The following IQGAP3 variants were observed in gnomAD, a reference collection of about 807,000 sequenced individuals.
IQGAP3 encodes ras GTPase-activating-like protein IQGAP3.
Under a neutral mutation model 208.2 loss-of-function variants are expected in IQGAP3, and 165 were observed. The ratio of observed to expected loss-of-function variants is 0.79; its 90% CI spans 0.70 to 0.90. The LOEUF is 0.90. Among genes scored for constraint, IQGAP3 ranks in the 40% least tolerant of loss-of-function variants. The probability of loss-of-function intolerance (pLI) is 0.00; values close to 1 mark genes in which losing one functional copy is unlikely to be tolerated. For synonymous variants in IQGAP3, 703 were observed against 803.6 expected, an observed-to-expected ratio of 0.87 and a Z score of 2.12; for missense variants, 1,811 against 2,043.1, an observed-to-expected ratio of 0.89 and a Z score of 2.19.
intron 13 of IQGAP3, among the ~76,000 whole-genome samples, chr1:156,553,580 C>CTTTTTTTTTTTT (rs11316423): frequency 2.3e-5 from 2 of 88,038 alleles, no homozygotes; most frequent in African/African-American, 7.3e-5. Context: ...TTCTTTCTTT[C>CTTTTTTTTTTTT]TTTTTTTTTT....
At chr1:156,565,130 A>G (rs534440926) in intron 4 of IQGAP3, among the ~76,000 whole-genome samples, 17 of 152,286 alleles carry the variant, frequency 1.1e-4, no homozygotes, top group South Asian at 8.3e-4. Context: ...GCAGGGCCCA[A>G]TGAAGCATAT....
intron 33 of IQGAP3, among the ~76,000 whole-genome samples, chr1:156,530,692 C>T (rs1260673670): frequency 2.0e-5 from 3 of 152,194 alleles, no homozygotes; most frequent in African/African-American, 7.2e-5. Flanking sequence ...ATTTACCTGT[C>T]TGTTCTGTTT....
Position 156,535,365 on chromosome 1 carries a change from A to G in IQGAP3, c.3423-118T>C. 4.3e-6 allele frequency: 3 copies of G among 699,268 alleles called. No homozygotes were observed. The East Asian group carries it at 7.8e-5, about 18-fold the overall frequency. The allele number at this position is 699,268 out of a possible 1,614,324, so 43.3% of individuals were successfully genotyped here. A position where few individuals can be genotyped will look rare whatever the true frequency, so the allele number is the denominator to read the frequency against. ...CCCAGGCTCAGCCACTCCAGAGTAGAGCTCAAGCACTGTCCCTCCACTAGC... is the reference window on the plus strand; with the variant it reads ...CCCAGGCTCAGCCACTCCAGAGTAGGGCTCAAGCACTGTCCCTCCACTAGC... On this transcript the variant is annotated intron_variant, in intron 27 of 37. Transcript: ENST00000361170.
chr1:156,535,136 AGGTGGG>A, intron 28 of IQGAP3, 21 bp downstream of exon 28: 1 of 1,259,316 alleles, frequency 7.9e-7, no homozygotes, highest in Non-Finnish European at 1.1e-6. Flanking sequence ...AGGGATTGGG[AGGTGGG>A]GGTGGGGAGA....
At chr1:156,541,001 A>T (rs1674952401) in intron 22 of IQGAP3, 85 bp from the exon 23 acceptor site, 7 of 1,112,626 alleles carry the variant, frequency 6.3e-6, no homozygotes, top group Non-Finnish European at 9.4e-6. Context: ...AGCCCACCCC[A>T]GTCCCCGTTC....
rs1192884404 is a variant in IQGAP3, at chr1:156,548,186, C to T, written c.2191G>A (p.Val731Ile). 1.9e-5 allele frequency: 30 copies of T among 1,614,028 alleles called. No individual in the cohort carries two copies. In the East Asian group the frequency reaches 3.3e-4, roughly 18 times the overall value. ...YDRQQLWKAN[V>I]GFVIQLQARL... is the part of the protein sequence containing the mutation. ...GCCTGGAGCTGGATAACAAAGCCGA[C>T]GTTGGCTTTCCAGAGCTGTTGGCGG... The change falls in exon 19 of 38, where the codon GTC (valine) becomes ATC (isoleucine). Residue 731 changes from valine (V) to isoleucine (I), a missense_variant. Physicochemically the swap from Val to Ile is conservative, Grantham distance 29. Coordinates refer to ENST00000361170, the MANE Select transcript of IQGAP3 (RefSeq NM_178229.5).
At chr1:156,568,464 G>A (rs777059466) in intron 2 of IQGAP3, among the ~76,000 whole-genome samples, 6 of 152,186 alleles carry the variant, frequency 3.9e-5, no homozygotes, top group Non-Finnish European at 7.3e-5. Context: ...TGATCTGCCC[G>A]CCTTGGCCTC....
chr1:156,525,505 AG>A lies in IQGAP3; in HGVS notation c.*980del, dbSNP rs1443648431. On this transcript the variant is annotated 3_prime_UTR_variant, in exon 38 of 38. Transcript: ENST00000361170. ...GAGACTGTGGCAGAGGCAGGACTGCAGATCTATGGAAATTGCCTGGAAGAGT... is the reference window on the plus strand; with the variant it reads ...GAGACTGTGGCAGAGGCAGGACTGCAATCTATGGAAATTGCCTGGAAGAGT... 6.6e-6 allele frequency: 1 copy of A among 152,636 alleles called. No homozygotes were observed. The highest frequency in any genetic ancestry group is 1.5e-5 in the Non-Finnish European group (1 of 68,058). The allele number at this position is 152,636 out of a possible 1,614,324, so 9.5% of individuals were successfully genotyped here.
In IQGAP3 at chr1:156,530,092, C is replaced by T; in HGVS notation, c.4404+13G>A. On this transcript the variant is annotated intron_variant, in intron 34 of 37. Coordinates refer to ENST00000361170, the MANE Select transcript of IQGAP3 (RefSeq NM_178229.5). Reference sequence around the variant, plus strand: ...TACACACAGGCACACGGAGCCCAGGCCCAGGTTGTTACCTTGGCCAGCTCG... The same window carrying T: ...TACACACAGGCACACGGAGCCCAGGTCCAGGTTGTTACCTTGGCCAGCTCG... 6.3e-7 allele frequency: 1 copy of T among 1,580,792 alleles called. No homozygotes were observed. Among genetic ancestry groups the T allele is most frequent in the South Asian group, 1.2e-5 (1 of 86,784 alleles).
intron 23 of IQGAP3, among the ~76,000 whole-genome samples, chr1:156,540,223 C>A (rs1434163924): frequency 6.6e-6 from 1 of 152,100 alleles, no homozygotes; most frequent in Non-Finnish European, 1.5e-5. Flanking sequence ...AACTGGTTTG[C>A]CAGGCTGAGG....
chr1:156,539,937 T>G lies in IQGAP3; in HGVS notation c.2793A>C (p.Ser931=), dbSNP rs1229656371. 1.2e-6 allele frequency: 2 copies of G among 1,614,152 alleles called. No individual in the cohort carries two copies. Among genetic ancestry groups the G allele is most frequent in the Non-Finnish European group, 8.5e-7 (1 of 1,180,018 alleles). Residue 931 remains serine, a synonymous_variant, in exon 24 of 38, where the codon TCA becomes TCC. Transcript: ENST00000361170. ...TCTGCTTGTCCAGAACCATCATATC[T>G]GACAGCTGTTCCTTATTCCTCTTGG... The part of the protein sequence containing the change: ...KLTKRNKEQL[S]DMMVLDKQKG...
rs143965976 is a variant in IQGAP3, at chr1:156,535,166, A to G, written c.3504T>C (p.Tyr1168=). Residue 1168 remains tyrosine (Y), a synonymous_variant, in exon 28 of 38, where the codon TAT becomes TAC. Transcript: ENST00000361170. ...KFPDATDSEV[Y]KVVGNLLYYR... ...GGGGTGGGGAGACAACACTTGCCTT[A>G]TAGACCTCGCTGTCTGTGGCGTCAG... 2.5e-5 allele frequency: 40 copies of G among 1,612,656 alleles called. No individual in the cohort carries two copies. The highest frequency in any genetic ancestry group is 3.3e-5 in the Non-Finnish European group (39 of 1,178,916).
chr1:156,561,462 CA>C (rs869195799), intron 10 of IQGAP3, among the ~76,000 whole-genome samples: 8 of 10,922 alleles, frequency 7.3e-4, no homozygotes, highest in African/African-American at 7.8e-4. Flanking sequence ...CCACAGTGCC[CA>C]GCCCTATTAA....
intron 1 of IQGAP3, 55 bp downstream of exon 1, chr1:156,572,438 G>C (rs564823973): frequency 1.0e-5 from 16 of 1,576,048 alleles, no homozygotes; most frequent in Non-Finnish European, 1.4e-5. Context: ...GGACAGCCAA[G>C]CCCCCGACCA....
chr1:156,553,060 C>T (rs1220869253), intron 13 of IQGAP3, among the ~76,000 whole-genome samples: 10 of 152,078 alleles, frequency 6.6e-5, no homozygotes, highest in Non-Finnish European at 1.5e-5. Flanking sequence ...GGTGACAGAG[C>T]AAGGCCCTGA....
chr1:156,532,938 G>A (rs1296072224), intron 32 of IQGAP3, 42 bp downstream of exon 32: 1 of 1,611,900 alleles, frequency 6.2e-7, no homozygotes, highest in South Asian at 1.1e-5. Flanking sequence ...CCTCAGGGCT[G>A]GGGAGCTCAG....
rs1224694406 is a variant in IQGAP3, at chr1:156,552,098, G to A, written c.1449-3C>T. 20 of 1,613,770 alleles carry A rather than the reference G, an allele frequency of 1.2e-5. No homozygotes were observed. The highest frequency in any genetic ancestry group is 1.6e-5 in the Non-Finnish European group (19 of 1,179,874). Reference sequence around the variant, plus strand: ...ATTTCAGCAGGGCATCGAAGTAACTGGCAGTGGGGTGAAGGGCAGAGAGGT... The same window carrying A: ...ATTTCAGCAGGGCATCGAAGTAACTAGCAGTGGGGTGAAGGGCAGAGAGGT... On this transcript the variant is annotated splice_region_variant and splice_polypyrimidine_tract_variant and intron_variant, in intron 13 of 37. Coordinates refer to ENST00000361170, the MANE Select transcript of IQGAP3 (RefSeq NM_178229.5).
At chr1:156,551,947 C>A (rs753596760) in intron 14 of IQGAP3, 27 bp downstream of exon 14, 1 of 1,607,848 alleles carries the variant, frequency 6.2e-7, no homozygotes, top group African/African-American at 1.3e-5. Context: ...GTTGGGCCAT[C>A]TCCACCCAGC....
intron 15 of IQGAP3, 63 bp from the exon 16 acceptor site, chr1:156,550,414 C>A: frequency 7.8e-7 from 1 of 1,276,444 alleles, no homozygotes; most frequent in Non-Finnish European, 1.1e-6. Flanking sequence ...GTTCCCAGGC[C>A]AAGATGCCCA....
Sources: allele counts gnomAD v4.1 joint callset (sites outside exome capture counted in the v4.1 genomes callset), GRCh38; gene constraint gnomAD v4.1.1; transcripts MANE v1.5; gene names NCBI Gene and HGNC (gene_info 2026-07-23, HGNC 2026-07-21).